TNPO1: variants seen among roughly 807,000 people sequenced by gnomAD.
TNPO1 encodes transportin-1.
A neutral mutation model predicts 119.5 loss-of-function variants in TNPO1; 8 were observed. That is an observed-to-expected ratio of 0.07 (90% confidence interval 0.04 to 0.12). TNPO1 has a LOEUF of 0.12. Among genes scored for constraint, TNPO1 ranks in the 10% least tolerant of loss-of-function variants. The pLI, the probability that TNPO1 is intolerant of heterozygous loss-of-function variation, is 1.00. For synonymous variants in TNPO1, 362 were observed against 363.0 expected, an observed-to-expected ratio of 1.00 and a Z score of 0.03; for missense variants, 576 against 1,089.8, an observed-to-expected ratio of 0.53 and a Z score of 6.64.
chr5:72,900,099 T>G lies in TNPO1; in HGVS notation c.2414+18T>G, dbSNP rs752939883. On this transcript the variant is annotated intron_variant, in intron 21 of 24. Coordinates refer to ENST00000337273, the MANE Select transcript of TNPO1 (RefSeq NM_002270.4). ...AGACCCTGGTGTGTATTATTCAATCTTTTTTTTTAATTCATTTTTCTTCAC... is the reference window on the plus strand; with the variant it reads ...AGACCCTGGTGTGTATTATTCAATCGTTTTTTTTAATTCATTTTTCTTCAC... 6.6e-7 allele frequency: 1 copy of G among 1,511,432 alleles called. No homozygotes were observed. The highest frequency in any genetic ancestry group is 1.2e-5 in the South Asian group (1 of 83,162). The allele number at this position is 1,511,432 out of a possible 1,614,324, so 93.6% of individuals were successfully genotyped here.
intron 4 of TNPO1, 23 bp from the exon 5 acceptor site, chr5:72,861,785 A>G (rs372741080): frequency 6.5e-7 from 1 of 1,540,070 alleles, no homozygotes; most frequent in Non-Finnish European, 9.0e-7. Context: ...TGGATTTCCT[A>G]AAGAAGTGTG....
At chr5:72,862,035 C>T in intron 5 of TNPO1, 121 bp downstream of exon 5, 1 of 625,074 alleles carries the variant, frequency 1.6e-6, no homozygotes, top group South Asian at 2.0e-5. Context: ...ACTTAGAAAC[C>T]TAAAGTTACC....
At chr5:72,882,339 G>A (rs989600462) in intron 9 of TNPO1, 128 bp from the exon 10 acceptor site, 1 of 596,898 alleles carries the variant, frequency 1.7e-6, no homozygotes, top group Non-Finnish European at 2.8e-6. Flanking sequence ...ATATATCACT[G>A]AATAAGTTCA....
intron 1 of TNPO1, among the ~76,000 whole-genome samples, chr5:72,843,518 T>C (rs1379528895): frequency 6.6e-6 from 1 of 150,626 alleles, no homozygotes; most frequent in Non-Finnish European, 1.5e-5. Context: ...TGTTTGAACC[T>C]GAGAGGCGGA....
intron 3 of TNPO1, 66 bp downstream of exon 3, chr5:72,851,385 T>C: frequency 1.0e-6 from 1 of 954,470 alleles, no homozygotes; most frequent in East Asian, 2.5e-5. Flanking sequence ...GTACTGAGAA[T>C]TATTCATTTC....
intron 1 of TNPO1, among the ~76,000 whole-genome samples, chr5:72,838,308 A>G (rs1021456139): frequency 6.6e-6 from 1 of 152,214 alleles, no homozygotes; most frequent in African/African-American, 2.4e-5. Flanking sequence ...GGAGCAATCG[A>G]ACGGCAATAA....
chr5:72,828,323 G>A (rs1317494813), intron 1 of TNPO1, among the ~76,000 whole-genome samples: 1 of 152,190 alleles, frequency 6.6e-6, no homozygotes, highest in Admixed American at 6.5e-5. Context: ...TCTGTGAATG[G>A]TGGGTAGTGG....
chr5:72,881,360 C>G (rs1341671335), intron 9 of TNPO1, among the ~76,000 whole-genome samples: 1 of 152,148 alleles, frequency 6.6e-6, no homozygotes. Flanking sequence ...CCGCTCGCCT[C>G]GACCTAATCT....
intron 9 of TNPO1, among the ~76,000 whole-genome samples, chr5:72,881,311 A>G (rs763632011): frequency 8.5e-5 from 13 of 152,054 alleles, no homozygotes; most frequent in African/African-American, 1.4e-4. Context: ...GGATTTCACT[A>G]TGTTGGCCGG....
At chr5:72,881,297 G>A (rs1247017327) in intron 9 of TNPO1, among the ~76,000 whole-genome samples, 1 of 152,062 alleles carries the variant, frequency 6.6e-6, no homozygotes, top group African/African-American at 2.4e-5. Flanking sequence ...TTTTAGTAGA[G>A]ACTGGATTTC....
At chr5:72,882,199 A>C (rs1457460032) in intron 9 of TNPO1, among the ~76,000 whole-genome samples, 3 of 152,182 alleles carry the variant, frequency 2.0e-5, no homozygotes, top group Non-Finnish European at 2.9e-5. Flanking sequence ...TAATCTTTCT[A>C]TTTTAGAATT....
chr5:72,847,878 C>A (rs966467919), intron 1 of TNPO1, among the ~76,000 whole-genome samples: 1 of 152,160 alleles, frequency 6.6e-6, no homozygotes, highest in African/African-American at 2.4e-5. Context: ...AATTAACAAC[C>A]TTTTTACCCT....
chr5:72,883,354 CAG>C, intron 11 of TNPO1, 122 bp downstream of exon 11: 1 of 632,952 alleles, frequency 1.6e-6, no homozygotes. Flanking sequence ...TTAGTATATT[CAG>C]AGAGCTGTTC....
intron 20 of TNPO1, among the ~76,000 whole-genome samples, chr5:72,899,544 T>G (rs1208861305): frequency 3.3e-5 from 5 of 152,198 alleles, no homozygotes; most frequent in Non-Finnish European, 7.4e-5. Flanking sequence ...TGTATTAGTT[T>G]GAGATGCTTG....
rs145217281 is a variant in TNPO1, at chr5:72,840,022, G to C, written c.16-8363G>C. 2.0e-3 allele frequency among the ~76,000 whole-genome samples: 300 copies of C among 152,310 alleles called. 3 individuals carry two copies. The highest frequency in any genetic ancestry group is 7.0e-3 in the African/African-American group (290 of 41,564). On this transcript the variant is annotated intron_variant, in intron 1 of 24. Transcript: ENST00000337273. ...TTTGTGCTCTGAAAAGCAAGGTGCA[G>C]TTATCATATCTGAAGTGATTGACCT...
intron 15 of TNPO1, among the ~76,000 whole-genome samples, chr5:72,892,116 T>C (rs1476447840): frequency 1.3e-5 from 2 of 152,082 alleles, no homozygotes; most frequent in Non-Finnish European, 1.5e-5. Flanking sequence ...GTAGATAGCA[T>C]ACTACTCTAT....
At chr5:72,826,538 A>G (rs1002178589) in intron 1 of TNPO1, among the ~76,000 whole-genome samples, 7 of 152,178 alleles carry the variant, frequency 4.6e-5, no homozygotes, top group African/African-American at 1.4e-4. Flanking sequence ...TTTTTGCTGT[A>G]TCTGCAAGAT....
chr5:72,848,131 G>A (rs1348090380), intron 1 of TNPO1: 3 of 1,195,318 alleles, frequency 2.5e-6, no homozygotes, highest in Middle Eastern at 3.4e-4. Context: ...GACTCAGTCT[G>A]GTCGGCTCCT....
intron 2 of TNPO1, 110 bp downstream of exon 2, chr5:72,848,608 T>G (rs1417850482): frequency 2.3e-5 from 11 of 468,572 alleles, no homozygotes; most frequent in Non-Finnish European, 1.0e-5. Flanking sequence ...TCCCCCATCC[T>G]CCGAGACCGG....
Sources: gnomAD v4.1 joint callset for allele counts (sites outside exome capture counted in the v4.1 genomes callset) on GRCh38, gnomAD v4.1.1 for gene constraint, MANE v1.5 for transcripts, NCBI Gene and HGNC (gene_info 2026-07-23, HGNC 2026-07-21) for gene names.